Variants in TMEM147 observed in about 807,000 individuals in gnomAD.
The protein encoded by TMEM147 is transmembrane protein 147.
Under a neutral mutation model 29.4 loss-of-function variants are expected in TMEM147, and 29 were observed. The ratio of observed to expected loss-of-function variants is 0.99; its 90% confidence interval spans 0.73 to 1.34. The LOEUF is 1.34. TMEM147 is among the 40% of genes most tolerant of loss of function. The pLI is 0.00. For synonymous variants in TMEM147, 121 were observed against 111.8 expected (o/e 1.08, Z -0.52); for missense variants, 260 against 289.4 (o/e 0.90, Z 0.74).
At position 35,545,793 on chromosome 19, in the gene TMEM147, C is replaced by T. The variant is rs2071547474; in HGVS notation, c.54C>T (p.Phe18=). 1 of 1,613,888 alleles carries T rather than the reference C, an allele frequency of 6.2e-7. No homozygotes were observed. Among genetic ancestry groups the T allele is most frequent in the Non-Finnish European group, 8.5e-7 (1 of 1,179,906 alleles). The change falls in exon 1 of 7, where the codon TTC becomes TTT. Residue 18 remains phenylalanine (F), a synonymous_variant. Coordinates refer to ENST00000222284, the MANE Select transcript of TMEM147 (RefSeq NM_032635.4). ...TCGCTCTTGCCTACTTCCCCTACTT[C>T]ATCACCTACAAGTGCAGCGGCCTGT... ...NCFALAYFPY[F]ITYKCSGLSE...
At position 35,547,174 on chromosome 19, in the gene TMEM147, A is replaced by G; in HGVS notation, c.485A>G (p.Tyr162Cys). 1 of 1,614,064 alleles carries G rather than the reference A, an allele frequency of 6.2e-7. No homozygotes were observed. Among genetic ancestry groups the G allele is most frequent in the South Asian group, 1.1e-5 (1 of 91,072 alleles). Residue 162 changes from tyrosine (Y) to cysteine (C), a missense_variant, in exon 6 of 7, where the codon TAC becomes TGC. By Grantham distance (194) the Tyr-to-Cys change is radical (BLOSUM62 -2). Transcript: ENST00000222284. ...QVWMITRYDLYHTFRPAVLLL... is the reference protein window; with the variant it reads ...QVWMITRYDLCHTFRPAVLLL... ...TGGATGATAACACGCTATGATCTGT[A>G]CCACACCTTCCGGCCAGCTGTCCTC...
rs1173495267 is a variant in TMEM147 at position 35,545,790 on chromosome 19, C to A, written c.51C>A (p.Tyr17Ter). The A allele has an allele frequency of 6.2e-7, 1 of 1,613,898 alleles. No homozygotes were observed. The highest frequency in any genetic ancestry group is 8.5e-7 in the Non-Finnish European group (1 of 1,179,904). Residue 17 changes from tyrosine to a stop codon, truncating the protein, a stop_gained, in exon 1 of 7, where the codon TAC (tyrosine) becomes TAA (stop). Transcript: ENST00000222284. LOFTEE classifies it high-confidence loss of function. ...GNCFALAYFPYFITYKCSGLS... is the reference protein window; with the variant it reads ...GNCFALAYFP ...GCTTCGCTCTTGCCTACTTCCCCTA[C>A]TTCATCACCTACAAGTGCAGCGGCC...
rs200208937 is a variant in TMEM147 at position 35,547,307 on chromosome 19, G to A, written c.552-17G>A. ...GGTTATCTAGTCTCCCTTCCTTATT[G>A]TGACATTTTCCTGCAGGACCTTCGT... On this transcript the variant is annotated splice_polypyrimidine_tract_variant and intron_variant, in intron 6 of 6. Coordinates refer to ENST00000222284, the MANE Select transcript of TMEM147 (RefSeq NM_032635.4). 1,037 of 1,613,898 alleles carry A rather than the reference G, an allele frequency of 6.4e-4. No homozygotes were observed. Among genetic ancestry groups the A allele is most frequent in the Non-Finnish European group, 8.1e-4 (959 of 1,179,938 alleles).
intron 1 of TMEM147, 32 bp from the exon 2 acceptor site, chr19:35,545,856 C>T (rs113805257): frequency 1.2e-6 from 2 of 1,613,882 alleles, no homozygotes; most frequent in Non-Finnish European, 1.7e-6. Flanking sequence ...GGGCGCGGGG[C>T]CCGGGCCGAC....
rs2071545230 is a variant in TMEM147, at chr19:35,545,673, C to T, written c.-67C>T. On this transcript the variant is annotated 5_prime_UTR_variant, in exon 1 of 7. Transcript: ENST00000222284. ...GGCCGTGGCGAAAGAGCCGGCGGAG[C>T]CGGAGACCCGCTCCCGGAGACGCCG... The T allele has an allele frequency of 1.9e-6, 3 of 1,563,472 alleles. No homozygotes were observed. Among genetic ancestry groups the T allele is most frequent in the Middle Eastern group, 2.3e-4 (1 of 4,354 alleles).
Position 35,547,319 on chromosome 19 carries a change from T to G in TMEM147, c.552-5T>G. The stretch of plus-strand genomic sequence containing the variant: ...TCCCTTCCTTATTGTGACATTTTCC[T>G]GCAGGACCTTCGTCCACCTCTGCTC... On this transcript the variant is annotated splice_polypyrimidine_tract_variant and splice_region_variant and intron_variant, in intron 6 of 6. Coordinates refer to ENST00000222284, the MANE Select transcript of TMEM147 (RefSeq NM_032635.4). 1 of 1,613,770 alleles carries G rather than the reference T, an allele frequency of 6.2e-7. No individual in the cohort carries two copies. Among genetic ancestry groups the G allele is most frequent in the Admixed American group, 1.7e-5 (1 of 59,982 alleles).
intron 6 of TMEM147, 31 bp downstream of exon 6, chr19:35,547,271 A>G (rs765407369): frequency 1.5e-5 from 25 of 1,613,988 alleles, no homozygotes; most frequent in Non-Finnish European, 2.0e-5. Context: ...GGCTGGGTCC[A>G]AAGTGGGGTG....
rs1324222068 is a variant in TMEM147 at position 35,546,691 on chromosome 19, T to G, written c.227T>G (p.Val76Gly). 6.2e-7 allele frequency: 1 copy of G among 1,613,760 alleles called. No homozygotes were observed. Among genetic ancestry groups the G allele is most frequent in the East Asian group, 2.2e-5 (1 of 44,870 alleles). The change falls in exon 4 of 7, where the codon GTG (valine) becomes GGG (glycine). Residue 76 changes from valine (V) to glycine (G), a missense_variant. Physicochemically the swap from Val to Gly is moderately radical, Grantham distance 109. Transcript: ENST00000222284. The stretch of plus-strand genomic sequence containing the variant: ...CCGCAGGAGTTCATGAAGGCCAGCG[T>G]GGATGTGGCAGACCTGATAGGTCTA... The part of the protein sequence containing the change: ...DFIGEFMKAS[V>G]DVADLIGLNL...
rs200710270 is a variant in TMEM147 at position 35,546,830 on chromosome 19, C to T, written c.344+22C>T. 15 of 1,614,162 alleles carry T rather than the reference C, an allele frequency of 9.3e-6. No individual in the cohort carries two copies. The East Asian group carries it at 3.3e-4, about 36-fold the overall frequency. The stretch of plus-strand genomic sequence containing the variant: ...CCCGGTGCGTACAGCAGCCTGGAGC[C>T]CAGACCCCTGAGAAGGGACACCTGG... On this transcript the variant is annotated intron_variant, in intron 4 of 6. Transcript: ENST00000222284.
In TMEM147 at chr19:35,545,629, C is replaced by A; in HGVS notation, c.-111C>A. On this transcript the variant is annotated 5_prime_UTR_variant, in exon 1 of 7. Coordinates refer to ENST00000222284, the MANE Select transcript of TMEM147 (RefSeq NM_032635.4). The stretch of plus-strand genomic sequence containing the variant: ...AGGTCGCGCGCGGGCCCCCGCCAGT[C>A]AGGTGGGTGCCAGGCCCTGGCCGTG... 8.2e-7 allele frequency: 1 copy of A among 1,213,578 alleles called. No homozygotes were observed. Among genetic ancestry groups the A allele is most frequent in the Non-Finnish European group, 1.1e-6 (1 of 893,340 alleles). 75.2% of individuals were successfully genotyped at this position (1,213,578 alleles called of 1,614,324 possible). A position where few individuals can be genotyped will look rare whatever the true frequency, so the allele number is the denominator to read the frequency against.
At chr19:35,546,082 G>A in intron 2 of TMEM147, 125 bp downstream of exon 2, 2 of 1,064,652 alleles carry the variant, frequency 1.9e-6, no homozygotes, top group Admixed American at 4.0e-5. Context: ...TCCGCACTGG[G>A]AGGCGTCAGG....
At position 35,547,021 on chromosome 19, in the gene TMEM147, A is replaced by G. The variant is rs2071566763; in HGVS notation, c.421A>G (p.Ile141Val). 3 of 1,614,234 alleles carry G rather than the reference A, an allele frequency of 1.9e-6. No individual in the cohort carries two copies. The highest frequency in any genetic ancestry group is 2.5e-6 in the Non-Finnish European group (3 of 1,180,042). The change falls in exon 5 of 7, where the codon ATC becomes GTC. Residue 141 changes from isoleucine to valine, a missense_variant. By Grantham distance (29) the Ile-to-Val change is conservative. Coordinates refer to ENST00000222284, the MANE Select transcript of TMEM147 (RefSeq NM_032635.4). ...KYIQMSIDSN[I>V]SLVHYIVASA... Reference sequence around the variant, plus strand: ...CATCCAGATGAGCATAGACTCCAACATCAGTCTGGTAGGCAGTCGTGCTCT... The same window carrying G: ...CATCCAGATGAGCATAGACTCCAACGTCAGTCTGGTAGGCAGTCGTGCTCT...
rs1022198429 is a variant in TMEM147 at position 35,546,088 on chromosome 19, T to G, written c.147+131T>G. The G allele has an allele frequency of 5.9e-6, 6 of 1,015,642 alleles. No homozygotes were observed. The African/African-American group carries it at 9.5e-5, about 16-fold the overall frequency. 62.9% of individuals were successfully genotyped at this position (1,015,642 alleles called of 1,614,324 possible). ...CCTCGGGACTCCGCACTGGGAGGCG[T>G]CAGGATACCTAGAGAGGATGGACTT... On this transcript the variant is annotated intron_variant, in intron 2 of 6. Coordinates refer to ENST00000222284, the MANE Select transcript of TMEM147 (RefSeq NM_032635.4).
At chr19:35,546,293 CAG>C in intron 2 of TMEM147, 1 of 604,528 alleles carries the variant, frequency 1.7e-6, no homozygotes. Flanking sequence ...AGACCTGACT[CAG>C]ATGCCCTGTG....
Position 35,545,705 on chromosome 19 carries a change from G to T in TMEM147, c.-35G>T. On this transcript the variant is annotated 5_prime_UTR_variant, in exon 1 of 7. Coordinates refer to ENST00000222284, the MANE Select transcript of TMEM147 (RefSeq NM_032635.4). ...CCCGCTCCCGGAGACGCCGCCTCGC[G>T]ATCCCCGCGCGGGCGGGACCGGGCG... 6.2e-7 allele frequency: 1 copy of T among 1,601,300 alleles called. No individual in the cohort carries two copies.
chr19:35,546,641 G>T, intron 3 of TMEM147, 31 bp from the exon 4 acceptor site: 2 of 1,609,944 alleles, frequency 1.2e-6, no homozygotes, highest in Admixed American at 3.3e-5. Context: ...CTGTCCCCCT[G>T]TGCTTACTTA....
rs759475350 is a variant in TMEM147 at position 35,546,925 on chromosome 19, C to CTA, written c.345-20_345-19insTA. ...GAAGGTGTCTGAGTACTGGAGAATCCCATCCTTTGCCTTCCTCAGCTGCAT... is the reference window on the plus strand; with the variant it reads ...GAAGGTGTCTGAGTACTGGAGAATCCTACATCCTTTGCCTTCCTCAGCTGCAT... On this transcript the variant is annotated intron_variant, in intron 4 of 6. Coordinates refer to ENST00000222284, the MANE Select transcript of TMEM147 (RefSeq NM_032635.4). 6.2e-7 allele frequency: 1 copy of CTA among 1,614,136 alleles called. No individual in the cohort carries two copies. Among genetic ancestry groups the CTA allele is most frequent in the South Asian group, 1.1e-5 (1 of 91,078 alleles).
In TMEM147 at chr19:35,547,386, C is replaced by T. The variant is rs781510946; in HGVS notation, c.614C>T (p.Thr205Met). Residue 205 changes from threonine to methionine, a missense_variant, in exon 7 of 7, where the codon ACG becomes ATG. Thr to Met is a moderately conservative substitution (Grantham distance 81). Transcript: ENST00000222284. Reference sequence around the variant, plus strand: ...GCTCTACTGGCCCGAGCAGTGGTAACGGGGCTGCTGGCCCTCAGCACTTTG... The same window carrying T: ...GCTCTACTGGCCCGAGCAGTGGTAATGGGGCTGCTGGCCCTCAGCACTTTG... The part of the protein sequence containing the change: ...WAALLARAVV[T>M]GLLALSTLAL... The T allele has an allele frequency of 3.7e-6, 6 of 1,613,774 alleles. No homozygotes were observed. Among genetic ancestry groups the T allele is most frequent in the East Asian group, 2.2e-5 (1 of 44,902 alleles).
In TMEM147 at chr19:35,545,747, T is replaced by A; in HGVS notation, c.8T>A (p.Leu3Gln). The change falls in exon 1 of 7, where the codon CTG becomes CAG. Residue 3 changes from leucine (L) to glutamine (Q), a missense_variant. Physicochemically the swap from Leu to Gln is moderately radical, Grantham distance 113 (BLOSUM62 -2). Transcript: ENST00000222284. MT[L>Q]FHFGNCFALA... The stretch of plus-strand genomic sequence containing the variant: ...GACCGGGCGGCCGGCATCATGACCC[T>A]GTTTCACTTCGGGAACTGCTTCGCT... The A allele has an allele frequency of 6.2e-7, 1 of 1,612,332 alleles. No homozygotes were observed.
Sources: allele counts gnomAD v4.1 joint callset, GRCh38; gene constraint gnomAD v4.1.1; transcripts MANE v1.5; gene names NCBI Gene and HGNC (gene_info 2026-07-23, HGNC 2026-07-21).